NTRK3: variants seen among roughly 807,000 people sequenced by gnomAD.
The protein encoded by NTRK3 is NT-3 growth factor receptor.
Under a neutral mutation model 91.7 loss-of-function variants are expected in NTRK3, and 24 were observed. The observed-to-expected ratio is 0.26, with a 90% CI of 0.19 to 0.37. The LOEUF (loss-of-function observed/expected upper bound fraction) is 0.37, where lower values mean the gene tolerates loss of function less well. Among genes scored for constraint, NTRK3 ranks in the 10% least tolerant of loss-of-function variants. The pLI, the probability that NTRK3 is intolerant of heterozygous loss-of-function variation, is 1.00. For missense variants in NTRK3, 880 were observed against 1,068.9 expected, an observed-to-expected ratio of 0.82 and a Z score of 2.46; for synonymous variants, 483 against 404.0, an observed-to-expected ratio of 1.20 and a Z score of -2.34.
At chr15:87,890,105 A>G (rs1418161604) in intron 17 of NTRK3, among the ~76,000 whole-genome samples, 1 of 152,108 alleles carries the variant, frequency 6.6e-6, no homozygotes, top group Non-Finnish European at 1.5e-5. Context: ...AATCAGGAAC[A>G]CTTGATGATA....
intron 3 of NTRK3, among the ~76,000 whole-genome samples, chr15:88,210,495 T>C (rs1186130141): frequency 6.6e-6 from 1 of 152,250 alleles, no homozygotes; most frequent in Non-Finnish European, 1.5e-5. Flanking sequence ...ATTGGTTTCT[T>C]GCCTTTGCAC....
At chr15:88,160,489 T>C (rs575144168) in intron 5 of NTRK3, among the ~76,000 whole-genome samples, 1 of 151,940 alleles carries the variant, frequency 6.6e-6, no homozygotes, top group East Asian at 1.9e-4. Context: ...CGCAGAAGAG[T>C]GGGGGCTTTG....
intron 6 of NTRK3, among the ~76,000 whole-genome samples, chr15:88,147,016 G>T (rs1326916833): frequency 6.6e-6 from 1 of 151,970 alleles, no homozygotes; most frequent in Non-Finnish European, 1.5e-5. Flanking sequence ...TATATATTAT[G>T]AATGTGATTT....
At chr15:88,084,433 G>A (rs1210872501) in intron 13 of NTRK3, among the ~76,000 whole-genome samples, 1 of 152,194 alleles carries the variant, frequency 6.6e-6, no homozygotes, top group Non-Finnish European at 1.5e-5. Context: ...AGGGAGAGGA[G>A]GCAAGCCAGG....
chr15:88,242,375 A>G (rs550716879), intron 3 of NTRK3, among the ~76,000 whole-genome samples: 1 of 152,354 alleles, frequency 6.6e-6, no homozygotes, highest in Non-Finnish European at 1.5e-5. Flanking sequence ...GGGAGCAGGT[A>G]AATCTAGAAT....
At chr15:87,880,547 G>C in intron 17 of NTRK3, 119 bp from the exon 19 acceptor site, 1 of 1,170,830 alleles carries the variant, frequency 8.5e-7, no homozygotes, top group Non-Finnish European at 1.2e-6. Flanking sequence ...GATAGTCACA[G>C]CTTTATGCAA....
chr15:87,920,102 T>C (rs2067753058), intron 17 of NTRK3, among the ~76,000 whole-genome samples: 1 of 152,212 alleles, frequency 6.6e-6, no homozygotes, highest in South Asian at 2.1e-4. Flanking sequence ...GACACAGAAC[T>C]GACACTGAGA....
In NTRK3 at chr15:88,137,168, T is replaced by C. The variant is rs189671464; in HGVS notation, c.622+236A>G. ...ATCTGGTGTGATGAGAAGGAGCACA[T>C]TTAACTCCTGTGTGAATTCCTGAAA... On this transcript the variant is annotated intron_variant, in intron 7 of 18. Coordinates refer to ENST00000394480, the Ensembl canonical transcript of NTRK3. 3.4e-3 allele frequency among the ~76,000 whole-genome samples: 520 copies of C among 152,286 alleles called. 1 individual carries two copies. Among genetic ancestry groups the C allele is most frequent in the Admixed American group, 9.7e-3 (148 of 15,300 alleles).
chr15:88,133,449 C>A (rs2041579950), intron 10 of NTRK3, among the ~76,000 whole-genome samples: 1 of 152,196 alleles, frequency 6.6e-6, no homozygotes, highest in South Asian at 2.1e-4. Flanking sequence ...GGGTTCCCCC[C>A]TCCCTAGGCC....
In NTRK3 at chr15:88,240,136, T is replaced by C. The variant is rs1296453872; in HGVS notation, c.248+15770A>G. ...AGCCCCCCTCCCCTCCCCCACAGGATTGCCCCCAGAGAAACCCAGGGCTGC... is the reference window on the plus strand; with the variant it reads ...AGCCCCCCTCCCCTCCCCCACAGGACTGCCCCCAGAGAAACCCAGGGCTGC... On this transcript the variant is annotated intron_variant, in intron 3 of 18. Transcript: ENST00000394480. The surrounding 1 kb of genome is among the most constrained non-coding windows in gnomAD (Gnocchi z 4.9). 2.2e-5 allele frequency among the ~76,000 whole-genome samples: 3 copies of C among 134,248 alleles called. No homozygotes were observed. Among genetic ancestry groups the C allele is most frequent in the African/African-American group, 8.6e-5 (3 of 34,814 alleles). The allele number at this position is 134,248 out of a possible 152,430, so 88.1% of individuals were successfully genotyped here. A position where few individuals can be genotyped will look rare whatever the true frequency, so the allele number is the denominator to read the frequency against.
At chr15:88,053,597 G>C (rs1223935454) in intron 13 of NTRK3, among the ~76,000 whole-genome samples, 1 of 152,276 alleles carries the variant, frequency 6.6e-6, no homozygotes, top group East Asian at 1.9e-4. Context: ...AAGTTCTTTG[G>C]GACCTCAGCT....
chr15:88,226,151 G>A (rs941332060), intron 3 of NTRK3, among the ~76,000 whole-genome samples: 1 of 152,218 alleles, frequency 6.6e-6, no homozygotes, highest in Non-Finnish European at 1.5e-5. Flanking sequence ...GTAGAATGCA[G>A]GGAGTGAGCC....
At chr15:87,970,062 G>C (rs753607345) in intron 14 of NTRK3, among the ~76,000 whole-genome samples, 5 of 152,150 alleles carry the variant, frequency 3.3e-5, no homozygotes, top group Non-Finnish European at 7.4e-5. Flanking sequence ...ATCTGTCCAG[G>C]CAGGGTCTTT....
At chr15:88,088,670 G>T (rs1380659354) in intron 13 of NTRK3, among the ~76,000 whole-genome samples, 3 of 152,290 alleles carry the variant, frequency 2.0e-5, no homozygotes, top group African/African-American at 7.2e-5. Flanking sequence ...TTTTAAAGCT[G>T]CAAGAGTGCA....
intron 13 of NTRK3, among the ~76,000 whole-genome samples, chr15:88,047,021 C>A (rs1307199302): frequency 6.6e-6 from 1 of 152,200 alleles, no homozygotes; most frequent in Non-Finnish European, 1.5e-5. Context: ...GCAGAGGCTC[C>A]ATGGGCGAGG....
At chr15:88,016,369 T>C (rs1024799156) in intron 14 of NTRK3, among the ~76,000 whole-genome samples, 12 of 152,200 alleles carry the variant, frequency 7.9e-5, no homozygotes, top group Non-Finnish European at 1.8e-4. Flanking sequence ...CATGGACAGT[T>C]TTGCTTAAAC....
intron 3 of NTRK3, among the ~76,000 whole-genome samples, chr15:88,224,901 C>A (rs1338212121): frequency 6.6e-6 from 1 of 152,206 alleles, no homozygotes; most frequent in Non-Finnish European, 1.5e-5. Context: ...GAGAATCAAA[C>A]CAACCCCTGG....
chr15:88,068,851 G>C (rs1191144372), intron 13 of NTRK3, among the ~76,000 whole-genome samples: 2 of 152,098 alleles, frequency 1.3e-5, no homozygotes, highest in East Asian at 1.9e-4. Flanking sequence ...GTCTCGATGG[G>C]GAAGCAAATG....
intron 6 of NTRK3, among the ~76,000 whole-genome samples, chr15:88,146,557 G>T (rs971193789): frequency 1.3e-5 from 2 of 152,120 alleles, no homozygotes; most frequent in Admixed American, 1.3e-4. Context: ...AGATGACCCC[G>T]ATGAATCACT....
Sources: allele counts gnomAD v4.1 joint callset (sites outside exome capture counted in the v4.1 genomes callset), GRCh38; gene constraint gnomAD v4.1.1; non-coding constraint Gnocchi (gnomAD v3.1); transcripts MANE v1.5; gene names NCBI Gene and HGNC (gene_info 2026-07-23, HGNC 2026-07-21).